Variants in QRFPR observed in about 807,000 individuals in gnomAD.
QRFPR encodes pyroglutamylated RF-amide peptide receptor.
Under a neutral mutation model 31.3 loss-of-function variants are expected in QRFPR, and 37 were observed. The ratio of observed to expected loss-of-function variants is 1.18; its 90% CI spans 0.91 to 1.56. The LOEUF is 1.56. QRFPR is among the 40% of genes most tolerant of loss of function. The pLI, the probability that QRFPR is intolerant of heterozygous loss-of-function variation, is 0.00. For synonymous variants in QRFPR, 197 were observed against 192.0 expected, an observed-to-expected ratio of 1.03 and a Z score of -0.22; for missense variants, 542 against 532.5, an observed-to-expected ratio of 1.02 and a Z score of -0.18.
rs146030603 is a variant in QRFPR, at chr4:121,370,517, G to A, written c.340+9791C>T. On this transcript the variant is annotated intron_variant, in intron 1 of 5. Transcript: ENST00000394427. ...CCAGAGGTTCTGCTATCCTGCTGCC[G>A]CGGGACTGCCTGTGGCCGGGAGTCC... Among the ~76,000 whole-genome samples, 21 of 152,342 alleles carry A rather than the reference G, an allele frequency of 1.4e-4. No individual in the cohort carries two copies. In the East Asian group the frequency reaches 3.7e-3, roughly 27 times the overall value.
intron 1 of QRFPR, among the ~76,000 whole-genome samples, chr4:121,343,508 G>A (rs7698313): frequency 0.35 from 53,177 of 152,030 alleles, 9,588 homozygotes; most frequent in Middle Eastern, 0.47. Flanking sequence ...CCAACGGTGG[G>A]AATTTACTTT....
At chr4:121,370,264 G>A (rs1042038641) in intron 1 of QRFPR, 29 of 782,326 alleles carry the variant, frequency 3.7e-5, no homozygotes, top group East Asian at 7.3e-5. Flanking sequence ...AGTGCCCGGC[G>A]GTATATCCTG....
At chr4:121,358,768 G>A (rs1725918782) in intron 1 of QRFPR, among the ~76,000 whole-genome samples, 1 of 152,074 alleles carries the variant, frequency 6.6e-6, no homozygotes, top group African/African-American at 2.4e-5. Context: ...AAATGTCCTT[G>A]ATCATGGCTG....
At chr4:121,344,710 C>T (rs1725610579) in intron 1 of QRFPR, among the ~76,000 whole-genome samples, 2 of 152,170 alleles carry the variant, frequency 1.3e-5, no homozygotes, top group African/African-American at 4.8e-5. Context: ...AAAATAAACA[C>T]TGAAGACTTC....
Position 121,377,413 on chromosome 4 carries a change from ATTTT to A in QRFPR, c.340+2891_340+2894del, listed in dbSNP as rs10551009. Among the ~76,000 whole-genome samples, 18 of 138,548 alleles carry A rather than the reference ATTTT, an allele frequency of 1.3e-4. No individual in the cohort carries two copies. In the East Asian group the frequency reaches 3.3e-3, roughly 26 times the overall value. 90.9% of individuals were successfully genotyped at this position (138,548 alleles called of 152,430 possible). On this transcript the variant is annotated intron_variant, in intron 1 of 5. Transcript: ENST00000394427. Reference sequence around the variant, plus strand: ...TTTTTACATAACTATATATATATATATTTTTTTTTTTTTCCTCCCCAGTTGCACT... The same window carrying A: ...TTTTTACATAACTATATATATATATATTTTTTTTTCCTCCCCAGTTGCACT...
intron 1 of QRFPR, among the ~76,000 whole-genome samples, chr4:121,347,225 A>G (rs535686832): frequency 2.9e-4 from 44 of 152,278 alleles, no homozygotes; most frequent in African/African-American, 9.9e-4. Flanking sequence ...TGTTTTTATC[A>G]AAGAATTATG....
Position 121,330,442 on chromosome 4 carries a change from A to G in QRFPR, c.879T>C (p.His293=). 2 of 1,610,020 alleles carry G rather than the reference A, an allele frequency of 1.2e-6. No homozygotes were observed. The highest frequency in any genetic ancestry group is 1.7e-6 in the Non-Finnish European group (2 of 1,176,326). The change falls in exon 5 of 6, where the codon CAT becomes CAC. Residue 293 remains histidine (H), a synonymous_variant. Coordinates refer to ENST00000394427, the MANE Select transcript of QRFPR (RefSeq NM_198179.3). ...AGCACTCACTGTATTCAATCATCAT[A>G]TGGACAACATGGAATGGTGCCCAGC... is the stretch of plus-strand genomic sequence containing the variant. ...AVCWAPFHVV[H]MMIEYSNFEK...
At chr4:121,361,023 T>A (rs1725979362) in intron 1 of QRFPR, among the ~76,000 whole-genome samples, 1 of 152,130 alleles carries the variant, frequency 6.6e-6, no homozygotes. Flanking sequence ...AATGAGGAAA[T>A]GAACAAATGA....
intron 1 of QRFPR, among the ~76,000 whole-genome samples, chr4:121,365,096 A>G (rs1478253979): frequency 1.3e-5 from 2 of 149,740 alleles, no homozygotes; most frequent in Non-Finnish European, 3.0e-5. Context: ...TAGCCTTCCC[A>G]TAATTCTAAT....
chr4:121,340,418 T>C (rs1445781110), intron 2 of QRFPR, 34 bp downstream of exon 2: 1 of 1,610,812 alleles, frequency 6.2e-7, no homozygotes. Flanking sequence ...AAGAATGTCA[T>C]TCACACTGCC....
rs1245328951 is a variant in QRFPR at position 121,328,876 on chromosome 4, C to T, written c.*438G>A. On this transcript the variant is annotated 3_prime_UTR_variant, in exon 6 of 6. Transcript: ENST00000394427. ...GTTCACACCATTCTCCCGCCTGAGG[C>T]TCCCAAGTAGCTGGGACTACAGGTG... 6.6e-6 allele frequency among the ~76,000 whole-genome samples: 1 copy of T among 152,208 alleles called. No individual in the cohort carries two copies. The highest frequency in any genetic ancestry group is 2.4e-5 in the African/African-American group (1 of 41,460).
At position 121,332,998 on chromosome 4, in the gene QRFPR, C is replaced by A. The variant is rs1475431433; in HGVS notation, c.620G>T (p.Ser207Ile). Reference sequence around the variant, plus strand: ...GGTGTAGATCTTCTGGTGCACAGGGCTGGTCCACTCTTCTAAGCAGCAGAT... The same window carrying A: ...GGTGTAGATCTTCTGGTGCACAGGGATGGTCCACTCTTCTAAGCAGCAGAT... ...EHICCLEEWT[S>I]PVHQKIYTTF... The change falls in exon 4 of 6, where the codon AGC (serine) becomes ATC (isoleucine). Residue 207 changes from serine (S) to isoleucine (I), a missense_variant. Transcript: ENST00000394427. 7 of 1,579,620 alleles carry A rather than the reference C, an allele frequency of 4.4e-6. No homozygotes were observed. The highest frequency in any genetic ancestry group is 6.0e-6 in the Non-Finnish European group (7 of 1,164,278).
chr4:121,365,865 G>C (rs1726127221), intron 1 of QRFPR, among the ~76,000 whole-genome samples: 1 of 144,376 alleles, frequency 6.9e-6, no homozygotes, highest in Non-Finnish European at 1.5e-5. Flanking sequence ...ATAGCTTCAT[G>C]GTTACTTTTA....
At chr4:121,346,588 T>C (rs1002286686) in intron 1 of QRFPR, among the ~76,000 whole-genome samples, 2 of 152,368 alleles carry the variant, frequency 1.3e-5, no homozygotes, top group South Asian at 2.1e-4. Context: ...ATAAGAGTGG[T>C]GAGAAGCAGA....
intron 3 of QRFPR, among the ~76,000 whole-genome samples, chr4:121,334,252 G>T (rs934471861): frequency 2.6e-5 from 4 of 152,112 alleles, no homozygotes; most frequent in African/African-American, 9.7e-5. Context: ...TCCTGACTGT[G>T]GACTTCAGCA....
chr4:121,347,095 T>C (rs777657733), intron 1 of QRFPR, among the ~76,000 whole-genome samples: 14 of 152,194 alleles, frequency 9.2e-5, no homozygotes, highest in Non-Finnish European at 1.5e-4. Flanking sequence ...TTGTGTAAAA[T>C]TGGTGTTAAT....
rs763113926 is a variant in QRFPR at position 121,329,074 on chromosome 4, G to C, written c.*240C>G. On this transcript the variant is annotated 3_prime_UTR_variant, in exon 6 of 6. Coordinates refer to ENST00000394427, the MANE Select transcript of QRFPR (RefSeq NM_198179.3). ...TGGCCTTCCATGTTGCTTTTTTAAG[G>C]CTAGTCAAGTGAAGCAGTGGGAATG... 1.3e-5 allele frequency: 5 copies of C among 375,030 alleles called. No homozygotes were observed. Among genetic ancestry groups the C allele is most frequent in the Admixed American group, 4.3e-5 (1 of 23,026 alleles). 23.2% of individuals were successfully genotyped at this position (375,030 alleles called of 1,614,324 possible).
intron 1 of QRFPR, among the ~76,000 whole-genome samples, chr4:121,346,578 A>T (rs1174871118): frequency 2.0e-5 from 3 of 152,212 alleles, no homozygotes; most frequent in Non-Finnish European, 2.9e-5. Flanking sequence ...GCAATTTTGC[A>T]TAAGAGTGGT....
chr4:121,360,531 T>G (rs543419009), intron 1 of QRFPR, among the ~76,000 whole-genome samples: 2 of 152,118 alleles, frequency 1.3e-5, no homozygotes, highest in Non-Finnish European at 1.5e-5. Context: ...GTAGCCTGAC[T>G]CCCCTGATAG....
Sources: gnomAD v4.1 joint callset for allele counts (sites outside exome capture counted in the v4.1 genomes callset) on GRCh38, gnomAD v4.1.1 for gene constraint, MANE v1.5 for transcripts, NCBI Gene and HGNC (gene_info 2026-07-23, HGNC 2026-07-21) for gene names.